The following CTNNA3 variants were observed in gnomAD, a reference collection of about 807,000 sequenced individuals.
The protein encoded by CTNNA3 is catenin alpha-3.
CTNNA3 carries 76 observed loss-of-function variants against 95.7 expected under a neutral mutation model. The ratio of observed to expected loss-of-function variants is 0.79; its 90% confidence interval spans 0.66 to 0.96. The LOEUF (loss-of-function observed/expected upper bound fraction) is 0.96. Among genes scored for constraint, CTNNA3 ranks in the 40% least tolerant of loss-of-function variants. The pLI, the probability that CTNNA3 is intolerant of heterozygous loss-of-function variation, is 0.00. For missense variants in CTNNA3, 1,191 were observed against 1,089.8 expected (o/e 1.09, Z -1.31); for synonymous variants, 431 against 374.4 (o/e 1.15, Z -1.74).
At chr10:66,920,275 A>G (rs1236761864) in intron 7 of CTNNA3, among the ~76,000 whole-genome samples, 1 of 152,252 alleles carries the variant, frequency 6.6e-6, no homozygotes, top group Non-Finnish European at 1.5e-5. Flanking sequence ...AAAGTTTATA[A>G]GTCAGGTTTT....
chr10:66,103,412 C>T (rs553126361), intron 13 of CTNNA3, among the ~76,000 whole-genome samples, 163 bp from the exon 14 acceptor site: 23 of 152,256 alleles, frequency 1.5e-4, no homozygotes, highest in Non-Finnish European at 2.9e-4. Context: ...TATGTCCACA[C>T]AAATACGTAT....
intron 7 of CTNNA3, among the ~76,000 whole-genome samples, chr10:66,860,031 G>C (rs1344088397): frequency 2.0e-5 from 2 of 101,530 alleles, no homozygotes; most frequent in Non-Finnish European, 3.8e-5. Flanking sequence ...TGGGGGGAGG[G>C]GGGAGGGATA....
chr10:67,078,519 A>C (rs7919830), intron 7 of CTNNA3, among the ~76,000 whole-genome samples: 3 of 150,620 alleles, frequency 2.0e-5, no homozygotes, highest in Non-Finnish European at 2.9e-5. Context: ...TACCTTTTTT[A>C]TTATTATTAT....
At chr10:67,165,105 C>T (rs924663439) in intron 7 of CTNNA3, among the ~76,000 whole-genome samples, 1 of 152,122 alleles carries the variant, frequency 6.6e-6, no homozygotes, top group African/African-American at 2.4e-5. Context: ...CTGGAAAAAA[C>T]AGAATGTCCT....
chr10:66,609,674 G>A (rs1042590552), intron 10 of CTNNA3, among the ~76,000 whole-genome samples: 1 of 151,972 alleles, frequency 6.6e-6, no homozygotes, highest in Non-Finnish European at 1.5e-5. Context: ...TTTCAACCAT[G>A]TGGAAAACAG....
At chr10:66,229,557 C>G (rs1459326006) in intron 13 of CTNNA3, among the ~76,000 whole-genome samples, 2 of 152,024 alleles carry the variant, frequency 1.3e-5, no homozygotes, top group Non-Finnish European at 2.9e-5. Flanking sequence ...ATCCTATTCT[C>G]TCTTGGCCTG....
chr10:66,030,469 A>G (rs1489116698), intron 15 of CTNNA3, among the ~76,000 whole-genome samples: 1 of 152,198 alleles, frequency 6.6e-6, no homozygotes, highest in Non-Finnish European at 1.5e-5. Context: ...AGGATTCCCT[A>G]TTCAATAAAT....
chr10:67,731,240 A>T (rs1197856902), intron 1 of CTNNA3, among the ~76,000 whole-genome samples: 1 of 152,180 alleles, frequency 6.6e-6, no homozygotes, highest in Non-Finnish European at 1.5e-5. Flanking sequence ...TATGATAGCC[A>T]GATGTGGTGG....
chr10:66,016,041 G>A (rs73308126), intron 15 of CTNNA3, among the ~76,000 whole-genome samples: 3,577 of 152,198 alleles, frequency 0.024, 138 homozygotes, highest in African/African-American at 0.082. Context: ...TTAAGTTAAA[G>A]GTGTGAGCTA....
intron 7 of CTNNA3, among the ~76,000 whole-genome samples, chr10:67,090,765 GCC>G (rs1394078543): frequency 6.6e-6 from 1 of 151,996 alleles, no homozygotes; most frequent in East Asian, 1.9e-4. Flanking sequence ...CGCAACAAAT[GCC>G]CACAGCTTCT....
intron 7 of CTNNA3, among the ~76,000 whole-genome samples, chr10:66,846,147 C>T (rs528391894): frequency 6.6e-5 from 10 of 151,496 alleles, no homozygotes; most frequent in African/African-American, 2.2e-4. Context: ...AAAGGGAAAT[C>T]CTGCCTTTTG....
intron 10 of CTNNA3, among the ~76,000 whole-genome samples, chr10:66,553,524 T>C (rs1374209736): frequency 8.4e-6 from 1 of 118,402 alleles, no homozygotes; most frequent in Admixed American, 8.8e-5. Flanking sequence ...TTTCTTTTTT[T>C]TTTTTTTTTT....
chr10:66,093,600 T>C (rs2133702234), intron 14 of CTNNA3, among the ~76,000 whole-genome samples: 1 of 152,170 alleles, frequency 6.6e-6, no homozygotes, highest in South Asian at 2.1e-4. Context: ...ATTGAGGTTC[T>C]ATATCCCTTA....
chr10:66,818,180 T>C (rs1289158150), intron 7 of CTNNA3, among the ~76,000 whole-genome samples: 2 of 151,700 alleles, frequency 1.3e-5, no homozygotes, highest in Non-Finnish European at 1.5e-5. Context: ...ACTGAGAACA[T>C]ACTTAATGGT....
chr10:67,720,521 C>T (rs1210293448), intron 1 of CTNNA3, among the ~76,000 whole-genome samples: 1 of 152,038 alleles, frequency 6.6e-6, no homozygotes, highest in Non-Finnish European at 1.5e-5. Flanking sequence ...TTTAGTGCTT[C>T]CTTCAGGAGC....
intron 9 of CTNNA3, among the ~76,000 whole-genome samples, chr10:66,685,399 G>A (rs572971590): frequency 5.1e-4 from 34 of 66,560 alleles, no homozygotes; most frequent in African/African-American, 2.1e-3. Flanking sequence ...TTGAGATGGA[G>A]TCTCGCTCTT....
intron 3 of CTNNA3, among the ~76,000 whole-genome samples, chr10:67,583,020 C>T (rs1436040827): frequency 9.9e-5 from 15 of 152,034 alleles, no homozygotes; most frequent in Non-Finnish European, 4.4e-5. Flanking sequence ...CCCAATTTGC[C>T]AGTCTGTGTC....
At chr10:67,754,087 G>C (rs947580156) in intron 1 of CTNNA3, among the ~76,000 whole-genome samples, 2 of 152,188 alleles carry the variant, frequency 1.3e-5, no homozygotes, top group Non-Finnish European at 2.9e-5. Flanking sequence ...GTGATGGACT[G>C]GATAAAGAAA....
At chr10:66,659,987 G>GT (rs144145577) in intron 9 of CTNNA3, among the ~76,000 whole-genome samples, 5 of 151,786 alleles carry the variant, frequency 3.3e-5, no homozygotes, top group East Asian at 3.9e-4. Context: ...ATATTCCTGG[G>GT]TTTTTTTTCT....
Sources: allele counts gnomAD v4.1 joint callset (sites outside exome capture counted in the v4.1 genomes callset), GRCh38; gene constraint gnomAD v4.1.1; transcripts MANE v1.5; gene names NCBI Gene and HGNC (gene_info 2026-07-23, HGNC 2026-07-21).